The following MEMO1 variants were observed in gnomAD, a reference collection of about 807,000 sequenced individuals.
The protein encoded by MEMO1 is mediator of cell motility 1.
Under a neutral mutation model 45.2 loss-of-function variants are expected in MEMO1, and 6 were observed. The ratio of observed to expected loss-of-function variants is 0.13; its 90% CI spans 0.07 to 0.26. The LOEUF is 0.26. Among genes scored for constraint, MEMO1 ranks in the 10% least tolerant of loss-of-function variants. The probability of loss-of-function intolerance (pLI) is 1.00; values close to 1 mark genes in which losing one functional copy is unlikely to be tolerated. For synonymous variants in MEMO1, 78 were observed against 124.3 expected (o/e 0.63, Z 2.48); for missense variants, 184 against 370.5 (o/e 0.50, Z 4.13).
At chr2:31,880,146 C>T (rs1033003286) in intron 8 of MEMO1, among the ~76,000 whole-genome samples, 4 of 152,116 alleles carry the variant, frequency 2.6e-5, no homozygotes, top group Admixed American at 6.6e-5. Flanking sequence ...CACAGAGTAC[C>T]GGACATATAG....
intron 2 of MEMO1, among the ~76,000 whole-genome samples, chr2:31,976,605 G>A (rs1219450451): frequency 2.0e-5 from 3 of 151,552 alleles, no homozygotes; most frequent in African/African-American, 7.3e-5. Flanking sequence ...TATATTTTCA[G>A]AACCAATATA....
rs70964741 is a variant in MEMO1, at chr2:31,925,475, CAAAAAAAAAAA to C, written c.213-4576_213-4566del. 2.5e-4 allele frequency among the ~76,000 whole-genome samples: 20 copies of C among 79,216 alleles called. No homozygotes were observed. The East Asian group carries it at 3.0e-3, about 12-fold the overall frequency. 52.0% of individuals were successfully genotyped at this position (79,216 alleles called of 152,430 possible). A position where few individuals can be genotyped will look rare whatever the true frequency, so the allele number is the denominator to read the frequency against. ...TGGGGGACAGAGCAAGACTCCGTCT[CAAAAAAAAAAA>C]AAAAAAAAAAAAATCTGTTCCCGGA... On this transcript the variant is annotated intron_variant, in intron 4 of 9. Coordinates refer to ENST00000404530, the MANE Select transcript of MEMO1 (RefSeq NM_001301833.4).
In MEMO1 at chr2:31,984,662, G is replaced by A. The variant is rs566211656; in HGVS notation, c.61+25525C>T. ...TAAAAACACAAACAAAAAAATTAGC[G>A]AGGCGTGGTGGCGGGCACCTGTAGT... On this transcript the variant is annotated intron_variant, in intron 2 of 9. Coordinates refer to ENST00000404530, the MANE Select transcript of MEMO1 (RefSeq NM_001301833.4). 7.2e-5 allele frequency among the ~76,000 whole-genome samples: 11 copies of A among 152,194 alleles called. No homozygotes were observed. The East Asian group carries it at 1.4e-3, about 19-fold the overall frequency.
chr2:31,898,522 G>A (rs889239074), intron 6 of MEMO1, among the ~76,000 whole-genome samples: 2 of 152,080 alleles, frequency 1.3e-5, no homozygotes, highest in Non-Finnish European at 2.9e-5. Flanking sequence ...GTAGTTGTGC[G>A]GTTTTGAGTG....
intron 2 of MEMO1, among the ~76,000 whole-genome samples, chr2:31,956,906 G>A (rs890654976): frequency 6.6e-6 from 1 of 152,162 alleles, no homozygotes; most frequent in African/African-American, 2.4e-5. Flanking sequence ...CACTTTGGGA[G>A]GCCGAGGCAG....
intron 3 of MEMO1, among the ~76,000 whole-genome samples, chr2:31,935,842 C>T (rs1478879646): frequency 6.6e-6 from 1 of 152,052 alleles, no homozygotes; most frequent in Non-Finnish European, 1.5e-5. Context: ...ACTAAAGAAA[C>T]GGCTAAAGTT....
chr2:31,879,656 A>AGTATCATTTTAT (rs1228054727), intron 8 of MEMO1, among the ~76,000 whole-genome samples: 3 of 152,210 alleles, frequency 2.0e-5, no homozygotes, highest in Non-Finnish European at 4.4e-5. Context: ...ACAATCTGGC[A>AGTATCATTTTAT]GTATCATTTT....
chr2:31,879,559 G>A (rs1467724243), intron 8 of MEMO1, among the ~76,000 whole-genome samples: 3 of 151,980 alleles, frequency 2.0e-5, no homozygotes, highest in Admixed American at 1.3e-4. Context: ...AAAATATAAT[G>A]CAGGCCATAT....
At chr2:31,925,964 T>C (rs2148210997) in intron 4 of MEMO1, among the ~76,000 whole-genome samples, 1 of 152,322 alleles carries the variant, frequency 6.6e-6, no homozygotes, top group Non-Finnish European at 1.5e-5. Flanking sequence ...AGTTTTGAGT[T>C]GTAAGCTGAA....
intron 6 of MEMO1, among the ~76,000 whole-genome samples, chr2:31,902,788 G>T (rs1679061743): frequency 6.6e-6 from 1 of 151,364 alleles, no homozygotes; most frequent in Non-Finnish European, 1.5e-5. Flanking sequence ...ATCTTGCTCT[G>T]TCACCCAGGC....
rs77680091 is a variant in MEMO1, at chr2:31,975,761, G to A, written c.62-32378C>T. 4.3e-4 allele frequency among the ~76,000 whole-genome samples: 66 copies of A among 152,198 alleles called. No individual in the cohort carries two copies. The East Asian group carries it at 0.011, about 25-fold the overall frequency. On this transcript the variant is annotated intron_variant, in intron 2 of 9. Coordinates refer to ENST00000404530, the MANE Select transcript of MEMO1 (RefSeq NM_001301833.4). ...AATACACTCATATATTAAAAATATA[G>A]AGACAATTAAAAAAGAACCCACAAT...
Position 31,918,762 on chromosome 2 carries a change from G to A in MEMO1, c.326-725C>T, listed in dbSNP as rs1029047809. Reference sequence around the variant, plus strand: ...GTTAACATGTAAAAAATATGTATAAGAATATTTTTAGCATAGAATAGAACC... The same window carrying A: ...GTTAACATGTAAAAAATATGTATAAAAATATTTTTAGCATAGAATAGAACC... On this transcript the variant is annotated intron_variant, in intron 5 of 9. Coordinates refer to ENST00000404530, the MANE Select transcript of MEMO1 (RefSeq NM_001301833.4). Among the ~76,000 whole-genome samples, 7 of 152,160 alleles carry A rather than the reference G, an allele frequency of 4.6e-5. No individual in the cohort carries two copies. The South Asian group carries it at 6.2e-4, about 14-fold the overall frequency.
At chr2:31,983,049 G>A (rs1385519682) in intron 2 of MEMO1, among the ~76,000 whole-genome samples, 5 of 151,384 alleles carry the variant, frequency 3.3e-5, no homozygotes, top group African/African-American at 1.2e-4. Context: ...GACCAGCCTC[G>A]CCAGCACGGT....
intron 6 of MEMO1, among the ~76,000 whole-genome samples, chr2:31,912,471 C>G (rs1214048782): frequency 6.7e-6 from 1 of 148,976 alleles, no homozygotes; most frequent in East Asian, 2.0e-4. Flanking sequence ...TGAGATCATG[C>G]CATTGCACTC....
chr2:31,925,475 C>CAAAAAAAAAAAAAAAAAAAAAA (rs70964741), intron 4 of MEMO1, among the ~76,000 whole-genome samples: 1 of 79,236 alleles, frequency 1.3e-5, no homozygotes, highest in Non-Finnish European at 2.3e-5. Context: ...GACTCCGTCT[C>CAAAAAAAAAAAAAAAAAAAAAA]AAAAAAAAAA....
chr2:31,885,229 C>T (rs1207839037), intron 7 of MEMO1, among the ~76,000 whole-genome samples: 3 of 152,138 alleles, frequency 2.0e-5, no homozygotes, highest in Non-Finnish European at 1.5e-5. Context: ...AAGTGATTCT[C>T]CTGCCTCAAC....
intron 7 of MEMO1, among the ~76,000 whole-genome samples, chr2:31,890,358 CA>C (rs1366258143): frequency 2.6e-5 from 4 of 152,114 alleles, no homozygotes; most frequent in Non-Finnish European, 1.5e-5. Context: ...AACATACAGA[CA>C]TGCTTTGTTA....
intron 4 of MEMO1, among the ~76,000 whole-genome samples, chr2:31,925,957 T>G (rs960036021): frequency 2.4e-4 from 36 of 152,316 alleles, no homozygotes; most frequent in African/African-American, 7.5e-4. Context: ...GTTGTGTAGT[T>G]TTGAGTTGTA....
At chr2:31,933,254 T>C (rs983407478) in intron 3 of MEMO1, among the ~76,000 whole-genome samples, 1 of 133,700 alleles carries the variant, frequency 7.5e-6, no homozygotes, top group Non-Finnish European at 1.6e-5. Context: ...AAGTTCTATA[T>C]TACAGTGAGC....
Sources: gnomAD v4.1 joint callset for allele counts (sites outside exome capture counted in the v4.1 genomes callset) on GRCh38, gnomAD v4.1.1 for gene constraint, MANE v1.5 for transcripts, NCBI Gene and HGNC (gene_info 2026-07-23, HGNC 2026-07-21) for gene names.